AFF4: variants seen among roughly 807,000 people sequenced by gnomAD.
AFF4 encodes ALF transcription elongation factor 4, also known as AF4/FMR2 family member 4.
In AFF4, 13 loss-of-function variants were observed where a neutral mutation model predicts 124.8. That is an observed-to-expected ratio of 0.10 (90% CI 0.07 to 0.17). The LOEUF is 0.17. Among genes scored for constraint, AFF4 ranks in the 10% least tolerant of loss-of-function variants. AFF4 has a pLI of 1.00. For synonymous variants in AFF4, 477 were observed against 496.1 expected (o/e 0.96, Z 0.51); for missense variants, 1,092 against 1,403.8 (o/e 0.78, Z 3.55).
chr5:132,916,727 A>G (rs1760920277), intron 5 of AFF4, among the ~76,000 whole-genome samples: 1 of 152,136 alleles, frequency 6.6e-6, no homozygotes, highest in Non-Finnish European at 1.5e-5. Flanking sequence ...TGCATCAGAC[A>G]ACAGACCTGT....
intron 12 of AFF4, 24 bp from the exon 13 acceptor site, chr5:132,892,428 C>T (rs199523830): frequency 6.2e-7 from 1 of 1,600,128 alleles, no homozygotes; most frequent in African/African-American, 1.3e-5. Context: ...CGAATGCCTT[C>T]ATTTCTCCAC....
intron 1 of AFF4, among the ~76,000 whole-genome samples, chr5:132,939,154 T>C (rs1472509248): frequency 6.7e-6 from 1 of 150,262 alleles, no homozygotes; most frequent in South Asian, 2.1e-4. Flanking sequence ...GAGGCAGAGG[T>C]TGCAGTGAGC....
At chr5:132,950,622 C>A (rs1761820967) in intron 1 of AFF4, among the ~76,000 whole-genome samples, 1 of 151,922 alleles carries the variant, frequency 6.6e-6, no homozygotes, top group Non-Finnish European at 1.5e-5. Flanking sequence ...GCACTCCAGC[C>A]CAGGCGACGG....
At chr5:132,950,207 G>A (rs1761807847) in intron 1 of AFF4, among the ~76,000 whole-genome samples, 1 of 152,146 alleles carries the variant, frequency 6.6e-6, no homozygotes, top group African/African-American at 2.4e-5. Context: ...CGGGCGCGAT[G>A]GCTCACGCCT....
chr5:132,932,950 C>A (rs77534952), intron 3 of AFF4, among the ~76,000 whole-genome samples: 1 of 152,298 alleles, frequency 6.6e-6, no homozygotes, highest in East Asian at 1.9e-4. Flanking sequence ...AAATGAGTTT[C>A]CCAAGGCCAC....
intron 11 of AFF4, 51 bp from the exon 12 acceptor site, chr5:132,893,169 C>G: frequency 6.9e-7 from 1 of 1,450,454 alleles, no homozygotes; most frequent in Non-Finnish European, 9.7e-7. Context: ...CTAACTTCAG[C>G]TTCCAGCACT....
chr5:132,917,895 A>G (rs1760952278), intron 5 of AFF4, among the ~76,000 whole-genome samples: 1 of 145,254 alleles, frequency 6.9e-6, no homozygotes, highest in South Asian at 2.2e-4. Flanking sequence ...GTATTTTTTT[A>G]GCAGAGATGG....
Position 132,896,962 on chromosome 5 carries a change from T to G in AFF4, c.1668A>C (p.Thr556=). The G allele has an allele frequency of 6.2e-7, 1 of 1,614,228 alleles. No homozygotes were observed. The highest frequency in any genetic ancestry group is 1.1e-5 in the South Asian group (1 of 91,080). ...RQKSPAQSDS[T]TQRRTVGKKQ... ...TTTTGCCTACAGTTCTTCTCTGTGT[T>G]GTGCTGTCACTCTGTGCAGGAGATT... Residue 556 remains threonine (T), a synonymous_variant, in exon 11 of 21, where the codon ACA becomes ACC. Transcript: ENST00000265343.
At chr5:132,883,213 T>C (rs1158717286) in intron 20 of AFF4, 127 bp downstream of exon 20, 8 of 915,870 alleles carry the variant, frequency 8.7e-6, no homozygotes, top group Non-Finnish European at 1.1e-5. Flanking sequence ...ATGAAGACTA[T>C]TAACAAACAG....
At chr5:132,914,432 C>T (rs1760862495) in intron 5 of AFF4, among the ~76,000 whole-genome samples, 1 of 151,778 alleles carries the variant, frequency 6.6e-6, no homozygotes, top group South Asian at 2.1e-4. Context: ...GAAACCCCGT[C>T]TCTAATAAAA....
chr5:132,891,148 G>A (rs1760245993), intron 13 of AFF4, among the ~76,000 whole-genome samples: 1 of 151,998 alleles, frequency 6.6e-6, no homozygotes, highest in South Asian at 2.1e-4. Flanking sequence ...TGGAGAACTG[G>A]AGCAATAAAG....
At chr5:132,943,092 A>C (rs1761611840) in intron 1 of AFF4, 1 of 179,166 alleles carries the variant, frequency 5.6e-6, no homozygotes, top group African/African-American at 2.4e-5. Context: ...ATTTTTTAAA[A>C]AGCATGATTA....
intron 10 of AFF4, among the ~76,000 whole-genome samples, chr5:132,897,572 C>T (rs754158888): frequency 7.9e-5 from 12 of 151,906 alleles, no homozygotes; most frequent in Non-Finnish European, 1.6e-4. Context: ...TAGTCAGATG[C>T]GGTGGCGCAC....
chr5:132,891,794 T>C, intron 13 of AFF4: 1 of 277,668 alleles, frequency 3.6e-6, no homozygotes. Context: ...AATGACTGGT[T>C]TCTATCTTTT....
chr5:132,951,117 C>T (rs896116018), intron 1 of AFF4, among the ~76,000 whole-genome samples: 6 of 151,820 alleles, frequency 4.0e-5, no homozygotes, highest in Admixed American at 6.6e-5. Context: ...CCTAGCTACT[C>T]AGGAAGCTGA....
At chr5:132,906,038 C>T (rs760044779) in intron 5 of AFF4, among the ~76,000 whole-genome samples, 20 of 152,180 alleles carry the variant, frequency 1.3e-4, no homozygotes, top group Non-Finnish European at 2.1e-4. Flanking sequence ...TTTCTCACAC[C>T]TGTCATCACG....
chr5:132,938,941 CAAAAAAA>C (rs762784790), intron 1 of AFF4, among the ~76,000 whole-genome samples: 35 of 38,330 alleles, frequency 9.1e-4, no homozygotes, highest in Admixed American at 3.5e-3. Flanking sequence ...AGACTCATCT[CAAAAAAA>C]AAAAAAAAAA....
chr5:132,949,704 G>A (rs559177992), intron 1 of AFF4, among the ~76,000 whole-genome samples: 3,437 of 149,816 alleles, frequency 0.023, 100 homozygotes, highest in African/African-American at 0.062. Context: ...ACACACACGC[G>A]CGCGCGCGCG....
At chr5:132,933,526 T>A (rs893383189) in intron 3 of AFF4, among the ~76,000 whole-genome samples, 1 of 152,074 alleles carries the variant, frequency 6.6e-6, no homozygotes, top group Admixed American at 6.6e-5. Flanking sequence ...TGGGCAACAT[T>A]ATGAGACACC....
Sources: allele counts gnomAD v4.1 joint callset (sites outside exome capture counted in the v4.1 genomes callset), GRCh38; gene constraint gnomAD v4.1.1; transcripts MANE v1.5; gene names NCBI Gene and HGNC (gene_info 2026-07-23, HGNC 2026-07-21).